Variants in ZNF182 observed in about 807,000 individuals in gnomAD.
The protein encoded by ZNF182 is zinc finger protein 182.
In ZNF182, 10 loss-of-function variants were observed where a neutral mutation model predicts 28.1. That is an observed-to-expected ratio of 0.36 (90% CI 0.22 to 0.60). ZNF182 has a LOEUF of 0.60. Ranked by LOEUF, ZNF182 falls within the 20% of genes least tolerant of loss-of-function variation. The probability of loss-of-function intolerance (pLI) is 0.75; values close to 1 mark genes in which losing one functional copy is unlikely to be tolerated. For missense variants in ZNF182, 352 were observed against 453.2 expected, an observed-to-expected ratio of 0.78 and a Z score of 2.03; for synonymous variants, 156 against 158.7, an observed-to-expected ratio of 0.98 and a Z score of 0.13.
rs1556898285 is a variant in ZNF182, at chrX:47,976,941, A to G, written c.1089T>C (p.Thr363=). ...KPHECNECKK[T]FSDKSTLIIH... ...TAATGAGAGTTGACTTATCACTGAAAGTTTTCTTACACTCATTACATTCAT... is the reference window on the plus strand; with the variant it reads ...TAATGAGAGTTGACTTATCACTGAAGGTTTTCTTACACTCATTACATTCAT... Residue 363 remains threonine (T), a synonymous_variant, in exon 6 of 6, where the codon ACT becomes ACC. Coordinates refer to ENST00000376943, the MANE Select transcript of ZNF182 (RefSeq NM_001007088.2). 1 of 1,207,018 alleles carries G rather than the reference A, an allele frequency of 8.3e-7. No individual in the cohort carries two copies. The highest frequency in any genetic ancestry group is 3.0e-5 in the East Asian group (1 of 33,638).
At chrX:47,991,089 T>A (rs1247516430) in intron 3 of ZNF182, among the ~76,000 whole-genome samples, 1 of 111,876 alleles carries the variant, frequency 8.9e-6, no homozygotes, top group Admixed American at 9.4e-5. Context: ...TAACCCCCAA[T>A]GTGACTATAT....
At position 47,977,321 on chromosome X, in the gene ZNF182, G is replaced by A. The variant is rs2058888747; in HGVS notation, c.709C>T (p.His237Tyr). Residue 237 changes from histidine (H) to tyrosine (Y), a missense_variant, in exon 6 of 6, where the codon CAT becomes TAT. Transcript: ENST00000376943. ...CATCCAAAAGGTTTCTCTCCCGTAT[G>A]AGTTCTCCAATGTACAATGAGGTGT... ...KSHLIVHWRTHTGEKPFGCTE... is the reference protein window; with the variant it reads ...KSHLIVHWRTYTGEKPFGCTE... The A allele has an allele frequency of 1.7e-6, 2 of 1,210,218 alleles. No individual in the cohort carries two copies. Among genetic ancestry groups the A allele is most frequent in the East Asian group, 5.9e-5 (2 of 33,846 alleles).
At chrX:47,999,632 A>G (rs1398948098) in intron 3 of ZNF182, among the ~76,000 whole-genome samples, 1 of 111,596 alleles carries the variant, frequency 9.0e-6, no homozygotes, top group African/African-American at 3.3e-5. Context: ...AATAAGTTCT[A>G]GCATTCAACA....
At chrX:47,984,953 ATGGGGAAAAAAC>A (rs1288638210) in intron 3 of ZNF182, among the ~76,000 whole-genome samples, 1 of 111,709 alleles carries the variant, frequency 9.0e-6, no homozygotes, top group Admixed American at 9.5e-5. Context: ...ACCTATTAGA[ATGGGGAAAAAAC>A]TGACAATACT....
chrX:48,002,009 A>G (rs2058979923), intron 3 of ZNF182, among the ~76,000 whole-genome samples: 1 of 112,124 alleles, frequency 8.9e-6, no homozygotes, highest in Non-Finnish European at 1.9e-5. Context: ...TGAAAGAAAA[A>G]ATATGGTGGG....
chrX:47,986,160 C>T (rs1271165403), intron 3 of ZNF182, among the ~76,000 whole-genome samples: 4 of 112,240 alleles, frequency 3.6e-5, no homozygotes, highest in East Asian at 5.6e-4. Flanking sequence ...CTGGGTAAAA[C>T]ACCACAATCC....
At chrX:48,002,725 C>A in intron 2 of ZNF182, 72 bp from the exon 3 acceptor site, 1 of 907,694 alleles carries the variant, frequency 1.1e-6, no homozygotes, top group Non-Finnish European at 1.6e-6. Flanking sequence ...AATTAGCTGC[C>A]TAGCAATCCC....
intron 3 of ZNF182, among the ~76,000 whole-genome samples, chrX:48,000,343 C>A (rs1253112536): frequency 9.1e-6 from 1 of 109,359 alleles, no homozygotes; most frequent in Non-Finnish European, 1.9e-5. Flanking sequence ...GGGCGGATCA[C>A]CTGAGGTCAG....
intron 5 of ZNF182, among the ~76,000 whole-genome samples, chrX:47,979,866 G>GGTGTGTGTGTGT (rs56350180): frequency 1.7e-4 from 15 of 89,785 alleles, no homozygotes; most frequent in East Asian, 1.5e-3. Flanking sequence ...GTGTGTGTGG[G>GGTGTGTGTGTGT]GTGTGTGTGT....
chrX:47,984,664 T>C (rs1467900908), intron 3 of ZNF182, among the ~76,000 whole-genome samples: 1 of 112,047 alleles, frequency 8.9e-6, no homozygotes, highest in Non-Finnish European at 1.9e-5. Flanking sequence ...AACCTTGGGT[T>C]AGACAAATAT....
At chrX:48,000,436 C>G (rs2058975114) in intron 3 of ZNF182, among the ~76,000 whole-genome samples, 1 of 110,580 alleles carries the variant, frequency 9.0e-6, no homozygotes, top group African/African-American at 3.3e-5. Context: ...GTGGCACATG[C>G]CTGTAGTCCC....
Position 48,002,581 on chromosome X carries a change from G to A in ZNF182, c.15+14C>T. On this transcript the variant is annotated intron_variant, in intron 3 of 5. Transcript: ENST00000376943. Reference sequence around the variant, plus strand: ...AGTAAAATAGAGGAATGAAGAAACAGACAACATACTTACCTGGGGTTTGGC... The same window carrying A: ...AGTAAAATAGAGGAATGAAGAAACAAACAACATACTTACCTGGGGTTTGGC... The A allele has an allele frequency of 2.5e-6, 3 of 1,211,095 alleles. No individual in the cohort carries two copies. The highest frequency in any genetic ancestry group is 3.4e-6 in the Non-Finnish European group (3 of 895,129).
rs1360140681 is a variant in ZNF182 at position 47,975,080 on chromosome X, T to C, written c.*1087A>G. On this transcript the variant is annotated 3_prime_UTR_variant, in exon 6 of 6. Coordinates refer to ENST00000376943, the MANE Select transcript of ZNF182 (RefSeq NM_001007088.2). Reference sequence around the variant, plus strand: ...TATGTACTTACCATTTTTCTCCTTTTTATATACAAATGGCAGTCACTGTCC... The same window carrying C: ...TATGTACTTACCATTTTTCTCCTTTCTATATACAAATGGCAGTCACTGTCC... 8.9e-6 allele frequency: 1 copy of C among 111,742 alleles called. No homozygotes were observed. Among genetic ancestry groups the C allele is most frequent in the Non-Finnish European group, 1.9e-5 (1 of 53,178 alleles). 9.2% of individuals were successfully genotyped at this position (111,742 alleles called of 1,213,427 possible).
At chrX:47,983,741 A>C (rs1556899435) in intron 3 of ZNF182, among the ~76,000 whole-genome samples, 3 of 112,106 alleles carry the variant, frequency 2.7e-5, no homozygotes, top group Admixed American at 9.5e-5. Context: ...TGACCTTTTC[A>C]ATAGATGTGG....
intron 3 of ZNF182, among the ~76,000 whole-genome samples, chrX:47,995,931 T>C (rs2058957210): frequency 8.9e-6 from 1 of 112,272 alleles, no homozygotes; most frequent in Admixed American, 9.4e-5. Flanking sequence ...GAAATGAAGG[T>C]GAAAGAAGAC....
At position 47,975,541 on chromosome X, in the gene ZNF182, A is replaced by AT. The variant is rs1157235407; in HGVS notation, c.*625dup. ...TTTTTTTTTTTTTTGACAACTGAGA[A>AT]TTTTTTCCCCCCACAGCTGTTCGTT... On this transcript the variant is annotated 3_prime_UTR_variant, in exon 6 of 6. Coordinates refer to ENST00000376943, the MANE Select transcript of ZNF182 (RefSeq NM_001007088.2). The AT allele has an allele frequency of 9.2e-6, 1 of 109,049 alleles. No homozygotes were observed. Among genetic ancestry groups the AT allele is most frequent in the East Asian group, 2.9e-4 (1 of 3,480 alleles). 9.0% of individuals were successfully genotyped at this position (109,049 alleles called of 1,213,427 possible).
In ZNF182 at chrX:47,976,633, G is replaced by C; in HGVS notation, c.1397C>G (p.Pro466Arg). 2 of 1,209,640 alleles carry C rather than the reference G, an allele frequency of 1.7e-6. No individual in the cohort carries two copies. Among genetic ancestry groups the C allele is most frequent in the Admixed American group, 2.2e-5 (1 of 45,766 alleles). ...TTTTTCACATTCATTGCACTCGTAAGGTTTCTCTCCTGTATGACCTCTCTG... is the reference window on the plus strand; with the variant it reads ...TTTTTCACATTCATTGCACTCGTAACGTTTCTCTCCTGTATGACCTCTCTG... ...LHQRGHTGEK[P>R]YECNECEKAF... The change falls in exon 6 of 6, where the codon CCT (proline) becomes CGT (arginine). Residue 466 changes from proline to arginine, a missense_variant. Coordinates refer to ENST00000376943, the MANE Select transcript of ZNF182 (RefSeq NM_001007088.2).
chrX:47,991,948 A>G (rs1327708371), intron 3 of ZNF182, among the ~76,000 whole-genome samples: 1 of 111,550 alleles, frequency 9.0e-6, no homozygotes, highest in Non-Finnish European at 1.9e-5. Context: ...CTTGCTGACA[A>G]TAAGCAGCCA....
intron 3 of ZNF182, among the ~76,000 whole-genome samples, chrX:47,987,919 G>A (rs1024024408): frequency 4.5e-5 from 5 of 111,775 alleles, no homozygotes; most frequent in Admixed American, 9.5e-5. Flanking sequence ...CAGAAAATAA[G>A]AAAACGCTCA....
Sources: gnomAD v4.1 joint callset for allele counts (sites outside exome capture counted in the v4.1 genomes callset) on GRCh38, gnomAD v4.1.1 for gene constraint, MANE v1.5 for transcripts, NCBI Gene and HGNC (gene_info 2026-07-23, HGNC 2026-07-21) for gene names.